The following SLC25A29 variants were observed in gnomAD, a reference collection of about 807,000 sequenced individuals.
SLC25A29 encodes mitochondrial basic amino acids transporter.
In SLC25A29, 13 loss-of-function variants were observed where a neutral mutation model predicts 10.0. The observed-to-expected ratio is 1.30, with a 90% confidence interval of 0.85 to 2.07. The LOEUF (loss-of-function observed/expected upper bound fraction) is 2.07, where lower values mean the gene tolerates loss of function less well. Ranked by LOEUF, SLC25A29 falls within the 30% of genes most tolerant of loss-of-function variation. SLC25A29 has a pLI of 0.00. For synonymous variants in SLC25A29, 244 were observed against 221.1 expected, an observed-to-expected ratio of 1.10 and a Z score of -0.92; for missense variants, 475 against 447.6, an observed-to-expected ratio of 1.06 and a Z score of -0.55.
At chr14:100,298,954 G>A in intron 1 of SLC25A29, 69 bp from the exon 2 acceptor site, 1 of 1,589,170 alleles carries the variant, frequency 6.3e-7, no homozygotes, top group South Asian at 1.1e-5. Context: ...TGGGCAGGAG[G>A]GGGTTCTGAC....
At chr14:100,294,025 T>C (rs1203841481) in intron 2 of SLC25A29, 1 of 152,186 alleles carries the variant, frequency 6.6e-6, no homozygotes, top group Non-Finnish European at 1.5e-5. Flanking sequence ...GGTGGGAGAA[T>C]TGCTTGAACC....
chr14:100,287,914 T>C (rs1415164096), downstream of SLC25A29, among the ~76,000 whole-genome samples: 1 of 152,128 alleles, frequency 6.6e-6, no homozygotes, highest in Non-Finnish European at 1.5e-5. Flanking sequence ...CCAGGCTGGC[T>C]CAGTGGCTCA....
chr14:100,302,081 T>C (rs545119811), intron 1 of SLC25A29, among the ~76,000 whole-genome samples: 2 of 152,020 alleles, frequency 1.3e-5, no homozygotes, highest in East Asian at 3.9e-4. Context: ...AGTCTCACTC[T>C]GTCGCCCAGG....
intron 1 of SLC25A29, among the ~76,000 whole-genome samples, chr14:100,302,133 C>T (rs180859291): frequency 1.3e-5 from 2 of 151,946 alleles, no homozygotes; most frequent in East Asian, 3.9e-4. Context: ...GAAACCTCCA[C>T]CTCCCAGGTT....
rs369239102 is a variant in SLC25A29 at position 100,293,049 on chromosome 14, G to T, written c.163-17C>A. The T allele has an allele frequency of 6.0e-6, 9 of 1,512,064 alleles. No homozygotes were observed. Among genetic ancestry groups the T allele is most frequent in the Non-Finnish European group, 7.9e-6 (9 of 1,135,020 alleles). 93.7% of individuals were successfully genotyped at this position (1,512,064 alleles called of 1,614,324 possible). On this transcript the variant is annotated splice_polypyrimidine_tract_variant and intron_variant, in intron 3 of 3. Transcript: ENST00000359232. The stretch of plus-strand genomic sequence containing the variant: ...GCCCAGCACCTGCGGGGACAGAGAC[G>T]CCATCAGAGCCGGCAACGCGCACCT...
At chr14:100,299,334 G>A (rs556054789) in intron 1 of SLC25A29, 18 of 1,023,060 alleles carry the variant, frequency 1.8e-5, no homozygotes, top group Middle Eastern at 4.9e-4. Context: ...TCAGCCTGGC[G>A]TGCTCACAAA....
chr14:100,299,834 T>C (rs758079862), intron 1 of SLC25A29: 21 of 985,352 alleles, frequency 2.1e-5, no homozygotes, highest in Admixed American at 6.1e-5. Flanking sequence ...CGTTTATGTA[T>C]AATTAAAACA....
intron 1 of SLC25A29, chr14:100,299,486 T>C (rs61993685): frequency 0.07 from 68,882 of 986,720 alleles, 2,695 homozygotes; most frequent in Non-Finnish European, 0.077. Context: ...GATACCTCCG[T>C]CCCCTTCCCT....
Position 100,291,839 on chromosome 14 carries a change from C to A in SLC25A29, c.*444G>T, listed in dbSNP as rs531843231. ...CACAGACCAGAGGGGTGGCCCACCA[C>A]CCCCCCGGGTGGAGGATGTGTGGAG... On this transcript the variant is annotated 3_prime_UTR_variant, in exon 4 of 4. Coordinates refer to ENST00000359232, the MANE Select transcript of SLC25A29 (RefSeq NM_001039355.3). The A allele has an allele frequency of 1.3e-3, 289 of 229,808 alleles. 3 individuals carry two copies. The highest frequency in any genetic ancestry group is 6.6e-3 in the African/African-American group (278 of 42,028). 14.2% of individuals were successfully genotyped at this position (229,808 alleles called of 1,614,324 possible). A position where few individuals can be genotyped will look rare whatever the true frequency, so the allele number is the denominator to read the frequency against.
At chr14:100,299,682 C>T (rs1412454191) in intron 1 of SLC25A29, 12 of 985,144 alleles carry the variant, frequency 1.2e-5, no homozygotes, top group Non-Finnish European at 1.4e-5. Context: ...AGTCTTGCCA[C>T]CACTGTGAGT....
In SLC25A29 at chr14:100,291,997, G is replaced by C. The variant is rs745862143; in HGVS notation, c.*286C>G. ...TGTCTGCCTCAGTTTCCAGGATAACGGTGCAATGGCCTCAGCCAGGCCAGG... is the reference window on the plus strand; with the variant it reads ...TGTCTGCCTCAGTTTCCAGGATAACCGTGCAATGGCCTCAGCCAGGCCAGG... On this transcript the variant is annotated 3_prime_UTR_variant, in exon 4 of 4. Coordinates refer to ENST00000359232, the MANE Select transcript of SLC25A29 (RefSeq NM_001039355.3). 5.7e-5 allele frequency: 26 copies of C among 454,890 alleles called. No individual in the cohort carries two copies. The highest frequency in any genetic ancestry group is 5.6e-4 in the African/African-American group (26 of 46,840). The allele number at this position is 454,890 out of a possible 1,614,324, so 28.2% of individuals were successfully genotyped here. A position where few individuals can be genotyped will look rare whatever the true frequency, so the allele number is the denominator to read the frequency against.
chr14:100,287,391 C>T (rs1026166314), downstream of SLC25A29, among the ~76,000 whole-genome samples: 3 of 152,252 alleles, frequency 2.0e-5, no homozygotes, highest in African/African-American at 4.8e-5. Context: ...TGCCCTTCCA[C>T]GCTTTAAGCC....
rs777072939 is a variant in SLC25A29, at chr14:100,292,416, G to A, written c.779C>T (p.Pro260Leu). 1.1e-5 allele frequency: 18 copies of A among 1,577,212 alleles called. No homozygotes were observed. The highest frequency in any genetic ancestry group is 1.5e-5 in the Non-Finnish European group (17 of 1,164,402). The stretch of plus-strand genomic sequence containing the variant: ...GGTGGCGAAGGTGGCAGCGTTGACG[G>A]GGAAGGCGCGCAGCAGCGTGGACGC... ...GLASTLLRAF[P>L]VNAATFATVT... The change falls in exon 4 of 4, where the codon CCC becomes CTC. Residue 260 changes from proline to leucine, a missense_variant. Physicochemically the swap from Pro to Leu is moderately conservative, Grantham distance 98. Coordinates refer to ENST00000359232, the MANE Select transcript of SLC25A29 (RefSeq NM_001039355.3).
the SLC25A29 span, chr14:100,279,561 C>G: frequency 1.3e-5 from 2 of 152,260 alleles, no homozygotes; most frequent in African/African-American, 4.8e-5. Flanking sequence ...GTAAGCCAGG[C>G]TTTGCTGTAT....
At chr14:100,283,483 CTTT>C in the SLC25A29 span, among the ~76,000 whole-genome samples, 20 of 128,552 alleles carry the variant, frequency 1.6e-4, no homozygotes, top group Admixed American at 4.0e-4. Flanking sequence ...TTTGGAATTG[CTTT>C]TTTTTTTTTT....
rs989559101 is a variant in SLC25A29 at position 100,292,278 on chromosome 14, G to A, written c.*5C>T. The A allele has an allele frequency of 2.0e-6, 3 of 1,533,984 alleles. No individual in the cohort carries two copies. The African/African-American group carries it at 4.1e-5, about 21-fold the overall frequency. ...GAGCCCTGGGGAAGGAGGGCGGGGT[G>A]AGCGTCACAGGCTGGAGGGCTGCGC... is the stretch of plus-strand genomic sequence containing the variant. On this transcript the variant is annotated 3_prime_UTR_variant, in exon 4 of 4. Coordinates refer to ENST00000359232, the MANE Select transcript of SLC25A29 (RefSeq NM_001039355.3).
chr14:100,303,584 G>A (rs1291067884), intron 1 of SLC25A29, among the ~76,000 whole-genome samples: 1 of 152,218 alleles, frequency 6.6e-6, no homozygotes, highest in East Asian at 1.9e-4. Context: ...CCTTCACCCA[G>A]AAGAACCCAT....
the SLC25A29 span, among the ~76,000 whole-genome samples, chr14:100,285,824 G>A: frequency 2.0e-5 from 3 of 152,242 alleles, no homozygotes; most frequent in South Asian, 6.2e-4. Flanking sequence ...CCTTCCCCCC[G>A]GTGGAGCAGC....
Position 100,292,833 on chromosome 14 carries a change from T to C in SLC25A29, c.362A>G (p.Gln121Arg). Residue 121 changes from glutamine to arginine, a missense_variant, in exon 4 of 4, where the codon CAG becomes CGG. Gln to Arg is a conservative substitution (Grantham distance 43). Coordinates refer to ENST00000359232, the MANE Select transcript of SLC25A29 (RefSeq NM_001039355.3). ...CPMELAKTRL[Q>R]LQDAGPARTY... ...GCGCGCTGGGCCCGCGTCCTGCAGC[T>C]GCAGCCGCGTCTTGGCCAGCTCCAT... 1 of 1,591,938 alleles carries C rather than the reference T, an allele frequency of 6.3e-7. No homozygotes were observed. Among genetic ancestry groups the C allele is most frequent in the Non-Finnish European group, 8.5e-7 (1 of 1,171,344 alleles).
Sources: allele counts gnomAD v4.1 joint callset (sites outside exome capture counted in the v4.1 genomes callset), GRCh38; gene constraint gnomAD v4.1.1; transcripts MANE v1.5; gene names NCBI Gene and HGNC (gene_info 2026-07-23, HGNC 2026-07-21).